FOCAD: variants seen among roughly 807,000 people sequenced by gnomAD.
FOCAD encodes KIAA1797.
A neutral mutation model predicts 225.6 loss-of-function variants in FOCAD; 198 were observed. The ratio of observed to expected loss-of-function variants is 0.88; its 90% CI spans 0.78 to 0.99. The LOEUF (loss-of-function observed/expected upper bound fraction) is 0.99. Among genes scored for constraint, FOCAD ranks in the 50% least tolerant of loss-of-function variants. The pLI, the probability that FOCAD is intolerant of heterozygous loss-of-function variation, is 0.00. For synonymous variants in FOCAD, 897 were observed against 755.0 expected, an observed-to-expected ratio of 1.19 and a Z score of -3.08; for missense variants, 2,713 against 2,123.6, an observed-to-expected ratio of 1.28 and a Z score of -5.46.
intron 11 of FOCAD, among the ~76,000 whole-genome samples, chr9:20,804,515 CT>C (rs2131308736): frequency 6.6e-6 from 1 of 151,930 alleles, no homozygotes; most frequent in South Asian, 2.1e-4. Context: ...ATTAGGTTGT[CT>C]TAGATCAAAC....
At chr9:20,874,437 G>C in intron 18 of FOCAD, 1 of 386,176 alleles carries the variant, frequency 2.6e-6, no homozygotes, top group Non-Finnish European at 4.6e-6. Flanking sequence ...GTGATTTACT[G>C]TATTAACATA....
At chr9:20,658,489 T>G (rs1170125248) in intron 1 of FOCAD, 1 of 155,736 alleles carries the variant, frequency 6.4e-6, no homozygotes, top group African/African-American at 2.4e-5. Context: ...GGTGCGCCGT[T>G]TTTTAAGCCC....
chr9:20,837,288 G>A (rs1826083047), intron 15 of FOCAD, among the ~76,000 whole-genome samples: 1 of 152,040 alleles, frequency 6.6e-6, no homozygotes, highest in South Asian at 2.1e-4. Context: ...TGTTCAGGGT[G>A]TCCAGCCGTG....
chr9:20,769,324 A>C (rs1018192281), intron 7 of FOCAD, among the ~76,000 whole-genome samples: 6 of 152,216 alleles, frequency 3.9e-5, no homozygotes, highest in African/African-American at 1.4e-4. Flanking sequence ...TAGCAGACAT[A>C]GGCTCCTGAT....
intron 18 of FOCAD, chr9:20,874,024 A>G (rs1830017448): frequency 6.6e-6 from 1 of 152,218 alleles, no homozygotes; most frequent in Admixed American, 6.5e-5. Context: ...AAATCTTTTT[A>G]CATTTTTAAT....
At position 20,870,419 on chromosome 9, in the gene FOCAD, C is replaced by T. The variant is rs111341140; in HGVS notation, c.2190+3407C>T. On this transcript the variant is annotated intron_variant, in intron 18 of 43. Transcript: ENST00000338382. ...GAAAGTTGATTGAAAGGTTATCCGG[C>T]TCAGAACCCACAGTGAGGCATTTTG... Among the ~76,000 whole-genome samples the T allele has an allele frequency of 3.4e-3, 512 of 152,330 alleles. 5 individuals are homozygous for T. The highest frequency in any genetic ancestry group is 0.012 in the African/African-American group (501 of 41,572).
At chr9:20,696,337 G>GAC (rs142085623) in intron 1 of FOCAD, among the ~76,000 whole-genome samples, 35 of 151,356 alleles carry the variant, frequency 2.3e-4, no homozygotes, top group South Asian at 8.4e-4. Context: ...TCACCATACA[G>GAC]ACACACACAC....
At chr9:20,924,487 C>T (rs1383750061) in intron 25 of FOCAD, among the ~76,000 whole-genome samples, 1 of 152,158 alleles carries the variant, frequency 6.6e-6, no homozygotes, top group Non-Finnish European at 1.5e-5. Flanking sequence ...GATAACAATG[C>T]TCACCAGATA....
At chr9:20,810,941 A>T (rs1226706901) in intron 11 of FOCAD, among the ~76,000 whole-genome samples, 1 of 152,028 alleles carries the variant, frequency 6.6e-6, no homozygotes, top group Non-Finnish European at 1.5e-5. Context: ...TATACCTCAG[A>T]TTCTGATGAT....
intron 11 of FOCAD, among the ~76,000 whole-genome samples, chr9:20,815,679 G>C (rs1057261405): frequency 6.6e-5 from 10 of 152,022 alleles, no homozygotes; most frequent in African/African-American, 1.9e-4. Flanking sequence ...CGCTGGAGGA[G>C]GGAAGAGAAA....
chr9:20,876,691 G>T (rs1385118524), intron 19 of FOCAD, among the ~76,000 whole-genome samples: 1 of 152,126 alleles, frequency 6.6e-6, no homozygotes, highest in Non-Finnish European at 1.5e-5. Context: ...GATTATTAGA[G>T]AAGTATAAAA....
intron 24 of FOCAD, among the ~76,000 whole-genome samples, chr9:20,918,115 T>A (rs142889562): frequency 8.5e-5 from 13 of 152,318 alleles, no homozygotes; most frequent in African/African-American, 3.1e-4. Context: ...GATGCTGGGA[T>A]GAGAATGCAG....
At chr9:20,805,505 A>G (rs1356820538) in intron 11 of FOCAD, among the ~76,000 whole-genome samples, 1 of 152,236 alleles carries the variant, frequency 6.6e-6, no homozygotes, top group East Asian at 1.9e-4. Context: ...ATAACATTGC[A>G]AATAATTTGG....
At chr9:20,885,067 A>G (rs994361970) in intron 20 of FOCAD, 42 bp from the exon 21 acceptor site, 1 of 1,185,358 alleles carries the variant, frequency 8.4e-7, no homozygotes. Context: ...TTAAAAAAAT[A>G]AAAATAAAAA....
chr9:20,842,581 C>A (rs1040318561), intron 15 of FOCAD, among the ~76,000 whole-genome samples: 1 of 151,886 alleles, frequency 6.6e-6, no homozygotes, highest in Non-Finnish European at 1.5e-5. Flanking sequence ...ACTATCTTTT[C>A]CATCCCCTTT....
intron 32 of FOCAD, 57 bp downstream of exon 32, chr9:20,948,985 G>A (rs1166924414): frequency 2.0e-6 from 3 of 1,485,668 alleles, no homozygotes; most frequent in East Asian, 2.3e-5. Context: ...GCCATAGCGG[G>A]AGAAGAATAC....
In FOCAD at chr9:20,912,942, C is replaced by T. The variant is rs151080385; in HGVS notation, c.2795C>T (p.Thr932Ile). Residue 932 changes from threonine (T) to isoleucine (I), a missense_variant, in exon 23 of 44, where the codon ACA becomes ATA. Thr to Ile is a moderately conservative substitution (Grantham distance 89). Coordinates refer to ENST00000338382, the MANE Select transcript of FOCAD (RefSeq NM_001375567.1). ...GAGGAGGTGCAGTACAAAAAAAGCA[C>T]AGCCTGGCTCTGGTAAGTGTTCATG... Reference protein sequence around the residue: ...EPEEVQYKKSTAWLWVRDMLT... With the variant: ...EPEEVQYKKSIAWLWVRDMLT... 76 of 1,612,442 alleles carry T rather than the reference C, an allele frequency of 4.7e-5. No individual in the cohort carries two copies. The highest frequency in any genetic ancestry group is 5.9e-5 in the Non-Finnish European group (70 of 1,179,136).
chr9:20,920,822 G>C lies in FOCAD; in HGVS notation c.2853-2838G>C, dbSNP rs557320572. ...ACTCTGGGGACTGTTGTGGGGTGGG[G>C]GGAGTGGGGAGGGATAGCATTAGGA... On this transcript the variant is annotated intron_variant, in intron 24 of 43. Coordinates refer to ENST00000338382, the MANE Select transcript of FOCAD (RefSeq NM_001375567.1). Among the ~76,000 whole-genome samples, 45 of 151,076 alleles carry C rather than the reference G, an allele frequency of 3.0e-4. 1 individual carries two copies. Among genetic ancestry groups the C allele is most frequent in the African/African-American group, 1.1e-3 (45 of 41,308 alleles).
intron 5 of FOCAD, among the ~76,000 whole-genome samples, chr9:20,740,971 A>G (rs1408202159): frequency 6.6e-6 from 1 of 152,174 alleles, no homozygotes; most frequent in Non-Finnish European, 1.5e-5. Flanking sequence ...CCAGGAAGCC[A>G]TCTCTTAAGA....
Sources: gnomAD v4.1 joint callset for allele counts (sites outside exome capture counted in the v4.1 genomes callset) on GRCh38, gnomAD v4.1.1 for gene constraint, MANE v1.5 for transcripts, NCBI Gene and HGNC (gene_info 2026-07-23, HGNC 2026-07-21) for gene names.